VEPH1: variants seen among roughly 807,000 people sequenced by gnomAD.
VEPH1 encodes the protein ventricular zone expressed PH domain containing 1, also known as ventricular zone-expressed PH domain-containing protein homolog 1.
Under a neutral mutation model 85.2 loss-of-function variants are expected in VEPH1, and 80 were observed. The ratio of observed to expected loss-of-function variants is 0.94; its 90% confidence interval spans 0.78 to 1.13. The LOEUF is 1.13. Ranked by LOEUF, VEPH1 falls within the 50% of genes most tolerant of loss-of-function variation. VEPH1 has a pLI of 0.00. For missense variants in VEPH1, 955 were observed against 980.5 expected, an observed-to-expected ratio of 0.97 and a Z score of 0.35; for synonymous variants, 297 against 348.0, an observed-to-expected ratio of 0.85 and a Z score of 1.63.
chr3:157,478,460 A>G (rs1268104176), intron 2 of VEPH1, among the ~76,000 whole-genome samples: 1 of 152,206 alleles, frequency 6.6e-6, no homozygotes, highest in African/African-American at 2.4e-5. Flanking sequence ...AACAATGTCC[A>G]AATAATAGTT....
intron 4 of VEPH1, among the ~76,000 whole-genome samples, chr3:157,429,301 A>G (rs1577634371): frequency 6.6e-6 from 1 of 152,240 alleles, no homozygotes; most frequent in Non-Finnish European, 1.5e-5. Context: ...CTCTACTTTT[A>G]CTTTAAATTT....
chr3:157,479,983 T>G (rs67228252), intron 2 of VEPH1, among the ~76,000 whole-genome samples: 1 of 151,792 alleles, frequency 6.6e-6, no homozygotes, highest in African/African-American at 2.4e-5. Context: ...TTTCTTTTTC[T>G]TTTCACTTTC....
rs1000509565 is a variant in VEPH1 at position 157,363,705 on chromosome 3, C to T, written c.1394G>A (p.Gly465Asp). The change falls in exon 9 of 14, where the codon GGC (glycine) becomes GAC (aspartate). Residue 465 changes from glycine to aspartate, a missense_variant. Coordinates refer to ENST00000362010, the MANE Select transcript of VEPH1 (RefSeq NM_001167912.2). The part of the protein sequence containing the change: ...MLTKGVGSDD[G>D]EDENRGDIPA... ...TATGTCTCCCCTGTTTTCATCTTCG[C>T]CGTCATCTGAACCCACACCCTTTGT... is the stretch of plus-strand genomic sequence containing the variant. The T allele has an allele frequency of 1.2e-6, 2 of 1,613,974 alleles. No homozygotes were observed. The highest frequency in any genetic ancestry group is 1.7e-6 in the Non-Finnish European group (2 of 1,180,012).
chr3:157,379,798 G>C (rs1160650974), intron 7 of VEPH1, among the ~76,000 whole-genome samples: 2 of 152,202 alleles, frequency 1.3e-5, no homozygotes, highest in African/African-American at 4.8e-5. Context: ...GAATTATGGA[G>C]ATGGGGTCGA....
intron 6 of VEPH1, among the ~76,000 whole-genome samples, chr3:157,410,602 T>C (rs943389546): frequency 6.6e-6 from 1 of 152,192 alleles, no homozygotes. Context: ...GCTGCTTAGA[T>C]TACTACACTT....
Position 157,354,524 on chromosome 3 carries a change from G to A in VEPH1, c.1735+8840C>T, listed in dbSNP as rs556768390. ...CTCATGGCTTTGTATTTACTGTTCC[G>A]TCCTTGCTGCTTCTCCTTATTCATG... On this transcript the variant is annotated intron_variant, in intron 9 of 13. Coordinates refer to ENST00000362010, the MANE Select transcript of VEPH1 (RefSeq NM_001167912.2). 2.4e-4 allele frequency among the ~76,000 whole-genome samples: 36 copies of A among 152,058 alleles called. 1 individual carries two copies. The highest frequency in any genetic ancestry group is 8.4e-4 in the African/African-American group (35 of 41,484).
At chr3:157,428,258 C>T in intron 5 of VEPH1, 64 bp downstream of exon 5, 1 of 1,564,600 alleles carries the variant, frequency 6.4e-7, no homozygotes, top group Non-Finnish European at 8.7e-7. Flanking sequence ...AGCACATACG[C>T]TGTTCACACA....
intron 1 of VEPH1, 56 bp from the exon 2 acceptor site, chr3:157,495,562 A>C: frequency 1.7e-6 from 2 of 1,187,898 alleles, no homozygotes; most frequent in Non-Finnish European, 2.2e-6. Flanking sequence ...ATAAGCTCAG[A>C]ATGTGAACTC....
intron 6 of VEPH1, among the ~76,000 whole-genome samples, chr3:157,401,841 T>C (rs1282328581): frequency 1.3e-5 from 2 of 151,846 alleles, no homozygotes; most frequent in Non-Finnish European, 2.9e-5. Context: ...TGGAAGCAAA[T>C]TTCAGTTAAT....
At chr3:157,421,619 A>T (rs1210573404) in intron 5 of VEPH1, among the ~76,000 whole-genome samples, 1 of 152,032 alleles carries the variant, frequency 6.6e-6, no homozygotes, top group African/African-American at 2.4e-5. Context: ...TCACTGTCTA[A>T]TTAAGGAAGG....
chr3:157,411,191 G>A (rs35193163), intron 6 of VEPH1, among the ~76,000 whole-genome samples: 18,594 of 152,122 alleles, frequency 0.12, 1,334 homozygotes, highest in South Asian at 0.27. Flanking sequence ...GAATGGTAGA[G>A]CAATAAGGTA....
chr3:157,312,036 T>G (rs373443116), intron 11 of VEPH1, among the ~76,000 whole-genome samples: 1 of 152,348 alleles, frequency 6.6e-6, no homozygotes. Flanking sequence ...ATTTTTCATA[T>G]TATTAGAATT....
chr3:157,310,484 G>T (rs1577308298), intron 11 of VEPH1, among the ~76,000 whole-genome samples: 1 of 152,192 alleles, frequency 6.6e-6, no homozygotes, highest in South Asian at 2.1e-4. Flanking sequence ...GAGCACAGCA[G>T]ATCTTAAAGC....
chr3:157,293,411 A>G (rs1417691279), intron 11 of VEPH1, among the ~76,000 whole-genome samples: 2 of 152,208 alleles, frequency 1.3e-5, no homozygotes, highest in Non-Finnish European at 2.9e-5. Context: ...CACTAAATAA[A>G]CTTATACTTC....
At chr3:157,397,672 C>T (rs185164102) in intron 6 of VEPH1, among the ~76,000 whole-genome samples, 1 of 152,250 alleles carries the variant, frequency 6.6e-6, no homozygotes, top group East Asian at 1.9e-4. Context: ...ATTTTATTCT[C>T]TTTGTAGCAA....
At position 157,443,131 on chromosome 3, in the gene VEPH1, A is replaced by G. The variant is rs113483586; in HGVS notation, c.530-14643T>C. On this transcript the variant is annotated intron_variant, in intron 4 of 13. Coordinates refer to ENST00000362010, the MANE Select transcript of VEPH1 (RefSeq NM_001167912.2). Reference sequence around the variant, plus strand: ...CAATCTTTATTTGTACTGGCCAAATACTGAATAAACAGTTGAAGGAAAGAC... The same window carrying G: ...CAATCTTTATTTGTACTGGCCAAATGCTGAATAAACAGTTGAAGGAAAGAC... The G allele has an allele frequency of 6.1e-5, 53 of 866,556 alleles. 3 individuals are homozygous for G. The highest frequency in any genetic ancestry group is 5.1e-4 in the African/African-American group (30 of 59,094). 53.7% of individuals were successfully genotyped at this position (866,556 alleles called of 1,614,324 possible).
chr3:157,457,946 C>G (rs981627616), intron 4 of VEPH1, among the ~76,000 whole-genome samples: 9 of 152,120 alleles, frequency 5.9e-5, no homozygotes, highest in African/African-American at 2.2e-4. Context: ...ATGGTACCAG[C>G]TCTTCTTTGT....
intron 6 of VEPH1, chr3:157,413,545 A>G (rs1731678747): frequency 1.0e-6 from 1 of 985,406 alleles, no homozygotes; most frequent in Non-Finnish European, 1.2e-6. Flanking sequence ...TGAATCTTTC[A>G]GTGCTCTCTC....
At chr3:157,269,089 A>G (rs967805598) in intron 12 of VEPH1, among the ~76,000 whole-genome samples, 3 of 152,234 alleles carry the variant, frequency 2.0e-5, no homozygotes, top group Non-Finnish European at 2.9e-5. Flanking sequence ...ATCTGAGATG[A>G]TTTGAAATAA....
Sources: allele counts gnomAD v4.1 joint callset (sites outside exome capture counted in the v4.1 genomes callset), GRCh38; gene constraint gnomAD v4.1.1; transcripts MANE v1.5; gene names NCBI Gene and HGNC (gene_info 2026-07-23, HGNC 2026-07-21).